The following IARS1 variants were observed in gnomAD, a reference collection of about 807,000 sequenced individuals.
IARS1 encodes the protein isoleucine--tRNA ligase, cytoplasmic.
IARS1 carries 124 observed loss-of-function variants against 168.2 expected under a neutral mutation model. The observed-to-expected ratio is 0.74, with a 90% CI of 0.64 to 0.86. IARS1 has a LOEUF of 0.86. IARS1 is among the 40% of genes least tolerant of loss of function. The pLI is 0.00. For missense variants in IARS1, 1,452 were observed against 1,515.8 expected (o/e 0.96, Z 0.70); for synonymous variants, 532 against 529.4 (o/e 1.00, Z -0.07).
chr9:92,235,192 CCTTT>C (rs1360929457), intron 30 of IARS1, among the ~76,000 whole-genome samples: 5 of 152,102 alleles, frequency 3.3e-5, no homozygotes, highest in Admixed American at 1.3e-4. Flanking sequence ...CAGCTTTATT[CCTTT>C]CTTTATCTGC....
At chr9:92,242,949 CAG>C in intron 28 of IARS1, 1 of 378,430 alleles carries the variant, frequency 2.6e-6, no homozygotes, top group East Asian at 6.1e-5. Flanking sequence ...GCTCCAGTCA[CAG>C]GGGATATTCT....
At chr9:92,244,935 A>G in intron 27 of IARS1, 24 bp downstream of exon 27, 3 of 1,579,280 alleles carry the variant, frequency 1.9e-6, no homozygotes, top group Non-Finnish European at 2.6e-6. Context: ...TGGTAAAGAA[A>G]TGTTCTAGGA....
intron 33 of IARS1, 60 bp downstream of exon 33, chr9:92,222,460 A>T: frequency 7.0e-7 from 1 of 1,428,730 alleles, no homozygotes; most frequent in Non-Finnish European, 9.8e-7. Flanking sequence ...ACAAATGGTT[A>T]ATGGCATCAA....
At chr9:92,265,409 T>C in intron 15 of IARS1, 71 bp downstream of exon 15, 5 of 1,354,460 alleles carry the variant, frequency 3.7e-6, no homozygotes, top group South Asian at 3.5e-5. Flanking sequence ...TGTGGCTCTG[T>C]AATCTGCTAG....
In IARS1 at chr9:92,258,838, C is replaced by G. The variant is rs745492633; in HGVS notation, c.2016+16G>C. 6.3e-7 allele frequency: 1 copy of G among 1,589,808 alleles called. No individual in the cohort carries two copies. Among genetic ancestry groups the G allele is most frequent in the South Asian group, 1.2e-5 (1 of 86,822 alleles). On this transcript the variant is annotated intron_variant, in intron 19 of 33. Transcript: ENST00000443024. ...GAGACACGGCAGGTACATGTGCAGC[C>G]CCCTACAGCCCATACCTTCTGGAGC...
chr9:92,260,212 G>T lies in IARS1; in HGVS notation c.1810C>A (p.Arg604=), dbSNP rs747276070. The change falls in exon 18 of 34, where the codon CGG becomes AGG. Residue 604 remains arginine (R), a synonymous_variant. Coordinates refer to ENST00000443024, the MANE Select transcript of IARS1 (RefSeq NM_002161.6). ...ACTGGATCTGGATAATTCTTTTTCC[G>T]TTTGCTCATTTTTTGGCCATCACTT... ...LASDGQKMSK[R]KKNYPDPVSI... 8.7e-6 allele frequency: 14 copies of T among 1,613,792 alleles called. No homozygotes were observed. The highest frequency in any genetic ancestry group is 1.1e-5 in the Non-Finnish European group (13 of 1,179,810).
intron 8 of IARS1, 41 bp from the exon 9 acceptor site, chr9:92,277,964 C>A (rs2133922075): frequency 1.9e-6 from 3 of 1,572,950 alleles, no homozygotes; most frequent in South Asian, 1.1e-5. Context: ...AGATTAAAAT[C>A]AAATATGAGG....
chr9:92,220,107 T>C (rs1256580454), intron 33 of IARS1, among the ~76,000 whole-genome samples: 5 of 149,142 alleles, frequency 3.4e-5, no homozygotes, highest in South Asian at 2.2e-4. Context: ...GATGAGTTCA[T>C]GTCCTTTGTA....
In IARS1 at chr9:92,253,392, C is replaced by T. The variant is rs1255647324; in HGVS notation, c.2199G>A (p.Trp733Ter). ...LVKFVDILTN[W>*]YVRMNRRRLK... ...ATCTTCTGCGGTTCATTCTAACATA[C>T]CAATTGGTCAGAATATCTACAAACT... The change falls in exon 21 of 34, where the codon TGG (tryptophan) becomes TGA (stop). Residue 733 changes from tryptophan (W) to a stop codon, truncating the protein, a stop_gained. Transcript: ENST00000443024. LOFTEE classifies it high-confidence loss of function. 1.2e-6 allele frequency: 2 copies of T among 1,613,508 alleles called. No individual in the cohort carries two copies.
At chr9:92,217,131 G>A (rs1214449191) in intron 33 of IARS1, among the ~76,000 whole-genome samples, 12 of 150,980 alleles carry the variant, frequency 7.9e-5, no homozygotes, top group East Asian at 1.9e-4. Context: ...ACTCAAAACC[G>A]CTCAACTACA....
chr9:92,279,628 T>C (rs1445120894), intron 7 of IARS1, among the ~76,000 whole-genome samples: 1 of 152,232 alleles, frequency 6.6e-6, no homozygotes, highest in African/African-American at 2.4e-5. Context: ...ACACAAGCTA[T>C]TGTTCAATCA....
chr9:92,258,703 G>A, intron 19 of IARS1, 151 bp downstream of exon 19: 1 of 702,146 alleles, frequency 1.4e-6, no homozygotes, highest in East Asian at 2.9e-5. Context: ...GCACCTGCAT[G>A]TATGGCCTCC....
intron 2 of IARS1, 85 bp from the exon 3 acceptor site, chr9:92,288,367 G>A (rs898342521): frequency 8.9e-7 from 1 of 1,118,942 alleles, no homozygotes; most frequent in Non-Finnish European, 1.3e-6. Flanking sequence ...TGTCATAGTG[G>A]AGTCTTCAAG....
At position 92,288,226 on chromosome 9, in the gene IARS1, A is replaced by G. The variant is rs755459355; in HGVS notation, c.176T>C (p.Ile59Thr). ...TATATCTTTAATTGTACCCGCAAGT[A>G]TATGTCCATAGTGAGGCAGTCCAGT... ...FATGLPHYGH[I>T]LAGTIKDIVT... is the part of the protein sequence containing the mutation. Residue 59 changes from isoleucine to threonine, a missense_variant, in exon 3 of 34, where the codon ATA becomes ACA. Transcript: ENST00000443024. 39 of 1,613,922 alleles carry G rather than the reference A, an allele frequency of 2.4e-5. No individual in the cohort carries two copies. The highest frequency in any genetic ancestry group is 2.8e-5 in the Non-Finnish European group (33 of 1,179,916).
At chr9:92,249,660 T>C (rs73516542) in intron 25 of IARS1, among the ~76,000 whole-genome samples, 198 bp downstream of exon 25, 3,100 of 152,296 alleles carry the variant, frequency 0.02, 109 homozygotes, top group African/African-American at 0.07. Flanking sequence ...AAGAAATTCA[T>C]TGATCTTGAA....
At chr9:92,222,917 T>C (rs565161543) in intron 32 of IARS1, among the ~76,000 whole-genome samples, 5 of 151,362 alleles carry the variant, frequency 3.3e-5, no homozygotes, top group East Asian at 1.9e-4. Flanking sequence ...GGGGAGCAGA[T>C]ACTCAGTACA....
At chr9:92,258,477 TC>T (rs1831045641) in intron 19 of IARS1, among the ~76,000 whole-genome samples, 1 of 152,140 alleles carries the variant, frequency 6.6e-6, no homozygotes, top group African/African-American at 2.4e-5. Context: ...GTGCCTGTAA[TC>T]CCAGCTACTG....
chr9:92,228,949 C>G, intron 31 of IARS1, 52 bp downstream of exon 31: 1 of 1,605,920 alleles, frequency 6.2e-7, no homozygotes, highest in South Asian at 1.1e-5. Context: ...TTAAGACCTT[C>G]ACCAATCCAT....
At chr9:92,214,799 C>A (rs1838366636) in intron 33 of IARS1, among the ~76,000 whole-genome samples, 1 of 152,226 alleles carries the variant, frequency 6.6e-6, no homozygotes, top group Admixed American at 6.5e-5. Context: ...TGATTGCTAG[C>A]ATAGCAGTCT....
Sources: gnomAD v4.1 joint callset for allele counts (sites outside exome capture counted in the v4.1 genomes callset) on GRCh38, gnomAD v4.1.1 for gene constraint, MANE v1.5 for transcripts, NCBI Gene and HGNC (gene_info 2026-07-23, HGNC 2026-07-21) for gene names.